Variants in MAPK8IP1 observed in about 807,000 individuals in gnomAD.
MAPK8IP1 encodes the protein C-Jun-amino-terminal kinase-interacting protein 1.
MAPK8IP1 carries 17 observed loss-of-function variants against 72.6 expected under a neutral mutation model. The observed-to-expected ratio is 0.23, with a 90% confidence interval of 0.16 to 0.35. MAPK8IP1 has a LOEUF of 0.35. MAPK8IP1 is among the 10% of genes least tolerant of loss of function. The pLI, the probability that MAPK8IP1 is intolerant of heterozygous loss-of-function variation, is 1.00. For synonymous variants in MAPK8IP1, 401 were observed against 443.4 expected (o/e 0.90, Z 1.20); for missense variants, 789 against 1,009.7 (o/e 0.78, Z 2.96).
At chr11:45,901,904 G>A in intron 3 of MAPK8IP1, 76 bp from the exon 4 acceptor site, 2 of 1,114,882 alleles carry the variant, frequency 1.8e-6, no homozygotes, top group Non-Finnish European at 2.8e-6. Context: ...ATGGCCTGAG[G>A]GGGCAGGGCC....
chr11:45,904,344 GC>G lies in MAPK8IP1; in HGVS notation c.1667-110del. ...CCAAGTTGGGCAGCCAGGGATTGTG[GC>G]AGCCTCTGTGGGCTCTGCCATTCCC... is the stretch of plus-strand genomic sequence containing the variant. On this transcript the variant is annotated intron_variant, in intron 7 of 11. Transcript: ENST00000241014. This position sits in a 1 kb window ranked among gnomAD's most constrained non-coding sequence, Gnocchi z 6.4. The G allele has an allele frequency of 1.7e-6, 2 of 1,185,342 alleles. No homozygotes were observed. 73.4% of individuals were successfully genotyped at this position (1,185,342 alleles called of 1,614,324 possible). A position where few individuals can be genotyped will look rare whatever the true frequency, so the allele number is the denominator to read the frequency against.
intron 1 of MAPK8IP1, among the ~76,000 whole-genome samples, chr11:45,897,652 G>A (rs1014750368): frequency 2.0e-5 from 3 of 152,204 alleles, no homozygotes; most frequent in African/African-American, 4.8e-5. Flanking sequence ...GGCTGCTGCC[G>A]GCGCCTCGGG....
In MAPK8IP1 at chr11:45,885,829, G is replaced by C. The variant is rs532716851; in HGVS notation, c.9G>C (p.Glu3Asp). The C allele has an allele frequency of 1.8e-5, 26 of 1,432,182 alleles. No homozygotes were observed. In the South Asian group the frequency reaches 3.5e-4, roughly 20 times the overall value. 88.7% of individuals were successfully genotyped at this position (1,432,182 alleles called of 1,614,324 possible). A position where few individuals can be genotyped will look rare whatever the true frequency, so the allele number is the denominator to read the frequency against. MA[E>D]RESGGLGGGA... Reference sequence around the variant, plus strand: ...CAGGGCTGTGCCCGAGAATGGCGGAGCGAGAAAGCGGCGGCCTGGGAGGGG... The same window carrying C: ...CAGGGCTGTGCCCGAGAATGGCGGACCGAGAAAGCGGCGGCCTGGGAGGGG... The change falls in exon 1 of 12, where the codon GAG becomes GAC. Residue 3 changes from glutamate (E) to aspartate (D), a missense_variant. Coordinates refer to ENST00000241014, the MANE Select transcript of MAPK8IP1 (RefSeq NM_005456.4).
Position 45,885,755 on chromosome 11 carries a change from C to T in MAPK8IP1, c.-66C>T. 1.0e-6 allele frequency: 1 copy of T among 973,746 alleles called. No individual in the cohort carries two copies. The highest frequency in any genetic ancestry group is 4.3e-5 in the Admixed American group (1 of 23,496). 60.3% of individuals were successfully genotyped at this position (973,746 alleles called of 1,614,324 possible). ...CGGCTGCCCTCTCGCCGCGCCTCCG[C>T]CTCCTTCGCAGCCGCCGCCTCCTCC... On this transcript the variant is annotated 5_prime_UTR_variant, in exon 1 of 12. Transcript: ENST00000241014.
At position 45,887,710 on chromosome 11, in the gene MAPK8IP1, T is replaced by TGTGGGACAAGGGTGGCA. The variant is rs747534290; in HGVS notation, c.101+1792_101+1808dup. On this transcript the variant is annotated intron_variant, in intron 1 of 11. Coordinates refer to ENST00000241014, the MANE Select transcript of MAPK8IP1 (RefSeq NM_005456.4). ...TGAATGTGTGGCCAGCTCTGCGGCA[T>TGTGGGACAAGGGTGGCA]GTGGGACAAGGGTGGCAGTAGGCCA... 6.6e-4 allele frequency among the ~76,000 whole-genome samples: 101 copies of TGTGGGACAAGGGTGGCA among 152,342 alleles called. 1 individual carries two copies. In the Middle Eastern group the frequency reaches 0.014, roughly 21 times the overall value.
rs1282959529 is a variant in MAPK8IP1 at position 45,902,348 on chromosome 11, C to T, written c.605-24C>T. 7.1e-6 allele frequency: 11 copies of T among 1,538,638 alleles called. No homozygotes were observed. The highest frequency in any genetic ancestry group is 8.8e-6 in the Non-Finnish European group (10 of 1,136,542). On this transcript the variant is annotated intron_variant, in intron 4 of 11. Coordinates refer to ENST00000241014, the MANE Select transcript of MAPK8IP1 (RefSeq NM_005456.4). This position sits in a 1 kb window ranked among gnomAD's most constrained non-coding sequence, Gnocchi z 9.3. ...CTGGGAGTTGGGAGAGAGCCCCTGC[C>T]TTCATGACCTGCCTGCTCTCCAGGG...
chr11:45,900,285 G>GC lies in MAPK8IP1; in HGVS notation c.358dup (p.Arg120ProfsTer60), dbSNP rs1335620330. The GC allele has an allele frequency of 7.5e-7, 1 of 1,330,064 alleles. No individual in the cohort carries two copies. The highest frequency in any genetic ancestry group is 9.6e-7 in the Non-Finnish European group (1 of 1,046,924). The allele number at this position is 1,330,064 out of a possible 1,614,324, so 82.4% of individuals were successfully genotyped here. Reference sequence around the variant, plus strand: ...GGAGGACGACGACGAGGAGCGCGCGGCCCGGCGGCCGGGAGCGGGGCCGCC... The same window carrying GC: ...GGAGGACGACGACGAGGAGCGCGCGGCCCCGGCGGCCGGGAGCGGGGCCGCC... On this transcript the variant is annotated frameshift_variant, in exon 3 of 12. Coordinates refer to ENST00000241014, the MANE Select transcript of MAPK8IP1 (RefSeq NM_005456.4). LOFTEE classifies it high-confidence loss of function. The surrounding 1 kb of genome is among the most constrained non-coding windows in gnomAD (Gnocchi z 6.5).
intron 1 of MAPK8IP1, 60 bp downstream of exon 1, chr11:45,885,981 GCCCTGCCCGCC>G: frequency 9.2e-7 from 1 of 1,081,986 alleles, no homozygotes. Flanking sequence ...CGCATTGGCT[GCCCTGCCCGCC>G]CCCCACCCCA....
chr11:45,905,508 G>A, intron 11 of MAPK8IP1, 141 bp from the exon 12 acceptor site: 1 of 833,488 alleles, frequency 1.2e-6, no homozygotes, highest in Non-Finnish European at 2.1e-6. Flanking sequence ...ATTCTGTAGA[G>A]AACAGAGCCA....
Position 45,885,889 on chromosome 11 carries a change from G to A in MAPK8IP1, c.69G>A (p.Leu23=), listed in dbSNP as rs1465874524. 2.7e-6 allele frequency: 4 copies of A among 1,468,274 alleles called. No homozygotes were observed. In the East Asian group the frequency reaches 1.2e-4, roughly 44 times the overall value. 91.0% of individuals were successfully genotyped at this position (1,468,274 alleles called of 1,614,324 possible). Residue 23 remains leucine (L), a synonymous_variant, in exon 1 of 12, where the codon CTG becomes CTA. Coordinates refer to ENST00000241014, the MANE Select transcript of MAPK8IP1 (RefSeq NM_005456.4). ...CCCCGCCCGCCGCCTCCCCGTTCCT[G>A]GGGCTGCACATCGCTTCGCCTCCCA... ...AASPPAASPF[L]GLHIASPPNF...
In MAPK8IP1 at chr11:45,905,632, T is replaced by G; in HGVS notation, c.2064-17T>G. ...CCAGTGGCGATCTGAGCCATCTGTG[T>G]GTCCCCTGGCTTCTAGGAGAGCATT... On this transcript the variant is annotated splice_polypyrimidine_tract_variant and intron_variant, in intron 11 of 11. Transcript: ENST00000241014. 1 of 1,610,482 alleles carries G rather than the reference T, an allele frequency of 6.2e-7. No homozygotes were observed. The highest frequency in any genetic ancestry group is 8.5e-7 in the Non-Finnish European group (1 of 1,176,748).
chr11:45,888,714 A>G (rs1353740727), intron 1 of MAPK8IP1, among the ~76,000 whole-genome samples: 1 of 150,646 alleles, frequency 6.6e-6, no homozygotes. Context: ...TTTTTTTGAG[A>G]CAGAGTCTCA....
chr11:45,902,541 TC>T lies in MAPK8IP1; in HGVS notation c.775del (p.Arg259GlyfsTer17). On this transcript the variant is annotated frameshift_variant, in exon 5 of 12. Transcript: ENST00000241014. LOFTEE classifies it high-confidence loss of function. The surrounding 1 kb of genome is among the most constrained non-coding windows in gnomAD (Gnocchi z 9.3). ...GGPPAAPPGGRGHSHRDRIHY... is the reference protein window; with the variant it reads ...GGPPAAPPGGXGHSHRDRIHY... ...GTCCCCCTGCTGCCCCGCCTGGGGG[TC>T]GGGGCCACTCGCATCGAGACCGAAT... 6.2e-7 allele frequency: 1 copy of T among 1,609,552 alleles called. No homozygotes were observed. The highest frequency in any genetic ancestry group is 2.2e-5 in the East Asian group (1 of 44,692).
intron 1 of MAPK8IP1, among the ~76,000 whole-genome samples, chr11:45,894,061 C>A (rs1260584763): frequency 5.3e-5 from 8 of 151,694 alleles, no homozygotes; most frequent in Non-Finnish European, 1.0e-4. Context: ...TTCTGCTAAC[C>A]CTCACCAGCC....
Position 45,900,878 on chromosome 11 carries a change from G to A in MAPK8IP1, c.522+426G>A, listed in dbSNP as rs1427595109. Among the ~76,000 whole-genome samples the A allele has an allele frequency of 1.3e-5, 2 of 152,112 alleles. No individual in the cohort carries two copies. The highest frequency in any genetic ancestry group is 2.9e-5 in the Non-Finnish European group (2 of 68,018). On this transcript the variant is annotated intron_variant, in intron 3 of 11. Coordinates refer to ENST00000241014, the MANE Select transcript of MAPK8IP1 (RefSeq NM_005456.4). The surrounding 1 kb of genome is among the most constrained non-coding windows in gnomAD (Gnocchi z 6.5). ...CATCTGAAATGGTCATCGTGGGGGA[G>A]GCCGTGGGAGATCGTGGCGAGGTGG...
chr11:45,895,636 ATATATAT>A lies in MAPK8IP1; in HGVS notation c.102-2448_102-2442del, dbSNP rs1565071918. Among the ~76,000 whole-genome samples, 37 of 101,394 alleles carry A rather than the reference ATATATAT, an allele frequency of 3.6e-4. 1 individual carries two copies. Among genetic ancestry groups the A allele is most frequent in the South Asian group, 1.2e-3 (4 of 3,314 alleles). The allele number at this position is 101,394 out of a possible 152,430, so 66.5% of individuals were successfully genotyped here. ...GGCCGTCTCAAAAAAAAAAAAAAAT[ATATATAT>A]ATATATATATATATATATGTGCAGA... On this transcript the variant is annotated intron_variant, in intron 1 of 11. Transcript: ENST00000241014.
At position 45,900,542 on chromosome 11, in the gene MAPK8IP1, C is replaced by T; in HGVS notation, c.522+90C>T. ...GGGCTGCAGCGGGAAGGGGCACCCA[C>T]GGGTCCAGTGCCTGGGGACAGCGCC... On this transcript the variant is annotated intron_variant, in intron 3 of 11. Coordinates refer to ENST00000241014, the MANE Select transcript of MAPK8IP1 (RefSeq NM_005456.4). The surrounding 1 kb of genome is among the most constrained non-coding windows in gnomAD (Gnocchi z 6.5). 5 of 1,432,546 alleles carry T rather than the reference C, an allele frequency of 3.5e-6. No individual in the cohort carries two copies. The highest frequency in any genetic ancestry group is 1.3e-5 in the South Asian group (1 of 79,062). 88.7% of individuals were successfully genotyped at this position (1,432,546 alleles called of 1,614,324 possible). A position where few individuals can be genotyped will look rare whatever the true frequency, so the allele number is the denominator to read the frequency against.
rs902113957 is a variant in MAPK8IP1 at position 45,904,170 on chromosome 11, C to T, written c.1666+9C>T. 3 of 1,612,324 alleles carry T rather than the reference C, an allele frequency of 1.9e-6. No individual in the cohort carries two copies. Among genetic ancestry groups the T allele is most frequent in the African/African-American group, 1.3e-5 (1 of 74,862 alleles). The stretch of plus-strand genomic sequence containing the variant: ...GCCCGAGCACATGGCAGGTAGTGTT[C>T]CCTCCCTGGCCTGTGCCCCCAGCCA... On this transcript the variant is annotated intron_variant, in intron 7 of 11. Coordinates refer to ENST00000241014, the MANE Select transcript of MAPK8IP1 (RefSeq NM_005456.4). The surrounding 1 kb of genome is among the most constrained non-coding windows in gnomAD (Gnocchi z 6.4).
At position 45,905,751 on chromosome 11, in the gene MAPK8IP1, G is replaced by A. The variant is rs1277822947; in HGVS notation, c.*30G>A. The stretch of plus-strand genomic sequence containing the variant: ...GCAGCCCCGCCCTCTGCGTCCCCCA[G>A]CCCTCAGGCCAGTGCCAGGACAGCT... On this transcript the variant is annotated 3_prime_UTR_variant, in exon 12 of 12. Transcript: ENST00000241014. 9.4e-6 allele frequency: 15 copies of A among 1,602,298 alleles called. No homozygotes were observed. Among genetic ancestry groups the A allele is most frequent in the Non-Finnish European group, 1.3e-5 (15 of 1,171,014 alleles).
Sources: allele counts gnomAD v4.1 joint callset (sites outside exome capture counted in the v4.1 genomes callset), GRCh38; gene constraint gnomAD v4.1.1; non-coding constraint Gnocchi (gnomAD v3.1); transcripts MANE v1.5; gene names NCBI Gene and HGNC (gene_info 2026-07-23, HGNC 2026-07-21).